EEF1AKMT1: variants seen among roughly 807,000 people sequenced by gnomAD.
The protein encoded by EEF1AKMT1 is EEF1A lysine methyltransferase 1.
A neutral mutation model predicts 21.0 loss-of-function variants in EEF1AKMT1; 18 were observed. That is an observed-to-expected ratio of 0.86 (90% CI 0.59 to 1.27). The LOEUF (loss-of-function observed/expected upper bound fraction) is 1.27, where lower values mean the gene tolerates loss of function less well. EEF1AKMT1 is among the 50% of genes most tolerant of loss of function. The probability of loss-of-function intolerance (pLI) is 0.00; values close to 1 mark genes in which losing one functional copy is unlikely to be tolerated. For missense variants in EEF1AKMT1, 246 were observed against 258.6 expected, an observed-to-expected ratio of 0.95 and a Z score of 0.33; for synonymous variants, 109 against 94.8, an observed-to-expected ratio of 1.15 and a Z score of -0.87.
At position 20,729,004 on chromosome 13, in the gene EEF1AKMT1, A is replaced by C. The variant is rs1319131541; in HGVS notation, c.*76T>G. On this transcript the variant is annotated 3_prime_UTR_variant, in exon 5 of 5. Transcript: ENST00000382758. ...TTTGGGGGGAGGGGAAGAGATTATA[A>C]CTTTTAAATCTACTACGAAAATACA... 1 of 1,583,154 alleles carries C rather than the reference A, an allele frequency of 6.3e-7. No homozygotes were observed. Among genetic ancestry groups the C allele is most frequent in the East Asian group, 2.2e-5 (1 of 44,632 alleles).
chr13:20,730,739 A>T (rs2314715), intron 4 of EEF1AKMT1, among the ~76,000 whole-genome samples: 61,131 of 151,846 alleles, frequency 0.4, 13,555 homozygotes, highest in East Asian at 0.76. Context: ...GCACTCTCTG[A>T]AAAATGGACC....
At chr13:20,746,275 C>T (rs1285944106) in intron 2 of EEF1AKMT1, among the ~76,000 whole-genome samples, 1 of 152,114 alleles carries the variant, frequency 6.6e-6, no homozygotes, top group Non-Finnish European at 1.5e-5. Flanking sequence ...GCCTCAGCCT[C>T]CCAAGTAGCT....
At chr13:20,756,562 T>C (rs191122101) in intron 2 of EEF1AKMT1, among the ~76,000 whole-genome samples, 20 of 152,334 alleles carry the variant, frequency 1.3e-4, no homozygotes, top group African/African-American at 3.6e-4. Flanking sequence ...GAAGTTTGTA[T>C]TGGATGTAAT....
chr13:20,742,922 T>C (rs2058880361), intron 2 of EEF1AKMT1, among the ~76,000 whole-genome samples: 1 of 152,230 alleles, frequency 6.6e-6, no homozygotes, highest in South Asian at 2.1e-4. Flanking sequence ...CTTTCTCTTG[T>C]CTCTTAAACT....
intron 2 of EEF1AKMT1, among the ~76,000 whole-genome samples, chr13:20,740,089 G>A (rs768092815): frequency 6.6e-6 from 1 of 152,382 alleles, no homozygotes; most frequent in Non-Finnish European, 1.5e-5. Flanking sequence ...GGAGACAGCT[G>A]AGGGCCGGCG....
Position 20,737,695 on chromosome 13 carries a change from T to G in EEF1AKMT1, c.227+28A>C, listed in dbSNP as rs759110701. 2.5e-6 allele frequency: 4 copies of G among 1,584,138 alleles called. No individual in the cohort carries two copies. The African/African-American group carries it at 5.4e-5, about 21-fold the overall frequency. On this transcript the variant is annotated intron_variant, in intron 3 of 4. Transcript: ENST00000382758. ...AAGACATTCAAAATATTACATTAGA[T>G]GCCAAAAAGAGAAAATTTGAATCTC...
At chr13:20,744,596 A>T (rs866186916) in intron 2 of EEF1AKMT1, among the ~76,000 whole-genome samples, 1 of 152,162 alleles carries the variant, frequency 6.6e-6, no homozygotes, top group East Asian at 1.9e-4. Context: ...CCTTTGTCAG[A>T]TGAGTAGATT....
At chr13:20,731,564 T>C (rs2058795919) in intron 4 of EEF1AKMT1, among the ~76,000 whole-genome samples, 1 of 152,246 alleles carries the variant, frequency 6.6e-6, no homozygotes, top group Admixed American at 6.5e-5. Context: ...ACCGATAGTA[T>C]TGATGATGGT....
intron 2 of EEF1AKMT1, among the ~76,000 whole-genome samples, chr13:20,744,094 A>G (rs2058888952): frequency 6.6e-6 from 1 of 152,206 alleles, no homozygotes; most frequent in Non-Finnish European, 1.5e-5. Context: ...CCAGTCTGTC[A>G]CTGATGGGCA....
At chr13:20,756,909 C>T (rs1446413031) in intron 2 of EEF1AKMT1, among the ~76,000 whole-genome samples, 2 of 152,210 alleles carry the variant, frequency 1.3e-5, no homozygotes, top group Non-Finnish European at 2.9e-5. Context: ...CAGACCCAAC[C>T]ACATGGGGTA....
intron 2 of EEF1AKMT1, among the ~76,000 whole-genome samples, chr13:20,752,737 T>A (rs887571000): frequency 7.9e-5 from 12 of 152,156 alleles, no homozygotes; most frequent in Non-Finnish European, 1.5e-4. Context: ...TTATTCTTTT[T>A]AAGTTTGGTA....
intron 1 of EEF1AKMT1, among the ~76,000 whole-genome samples, chr13:20,771,441 A>AT (rs1373747077): frequency 6.6e-6 from 1 of 152,160 alleles, no homozygotes; most frequent in Non-Finnish European, 1.5e-5. Flanking sequence ...TTTGATAATC[A>AT]TTTTCTACCC....
chr13:20,767,056 C>T (rs1324997578), intron 1 of EEF1AKMT1, among the ~76,000 whole-genome samples: 1 of 152,026 alleles, frequency 6.6e-6, no homozygotes, highest in Non-Finnish European at 1.5e-5. Flanking sequence ...CCTGTAATCC[C>T]AGCACTTTGG....
intron 2 of EEF1AKMT1, among the ~76,000 whole-genome samples, chr13:20,748,378 T>G (rs1241620404): frequency 6.7e-6 from 1 of 148,592 alleles, no homozygotes; most frequent in Non-Finnish European, 1.5e-5. Context: ...GAGCTTGCAG[T>G]GAGGCGAGAT....
chr13:20,729,939 A>G (rs2058782582), intron 4 of EEF1AKMT1, among the ~76,000 whole-genome samples: 1 of 152,178 alleles, frequency 6.6e-6, no homozygotes, highest in Non-Finnish European at 1.5e-5. Flanking sequence ...TCTTCAGACA[A>G]GTTGCGTCCC....
At chr13:20,754,600 C>T (rs1480474352) in intron 2 of EEF1AKMT1, among the ~76,000 whole-genome samples, 1 of 152,020 alleles carries the variant, frequency 6.6e-6, no homozygotes, top group East Asian at 1.9e-4. Context: ...TTCTCTTTGC[C>T]TTCTGGGACC....
At chr13:20,756,576 G>A (rs938310338) in intron 2 of EEF1AKMT1, among the ~76,000 whole-genome samples, 6 of 152,166 alleles carry the variant, frequency 3.9e-5, no homozygotes, top group Non-Finnish European at 5.9e-5. Context: ...ATGTAATAAC[G>A]TATTATTGAC....
chr13:20,738,729 C>T (rs190120269), intron 2 of EEF1AKMT1, among the ~76,000 whole-genome samples: 1 of 152,186 alleles, frequency 6.6e-6, no homozygotes, highest in African/African-American at 2.4e-5. Context: ...AATCAGACAC[C>T]AAAGGCCACA....
intron 1 of EEF1AKMT1, among the ~76,000 whole-genome samples, chr13:20,768,428 GAC>G (rs1466257064): frequency 2.6e-5 from 4 of 152,222 alleles, no homozygotes; most frequent in Non-Finnish European, 5.9e-5. Context: ...CTGGTAGAAA[GAC>G]ACTATTCTTG....
Sources: gnomAD v4.1 joint callset for allele counts (sites outside exome capture counted in the v4.1 genomes callset) on GRCh38, gnomAD v4.1.1 for gene constraint, MANE v1.5 for transcripts, NCBI Gene and HGNC (gene_info 2026-07-23, HGNC 2026-07-21) for gene names.